Variants in AGBL4 observed in about 807,000 individuals in gnomAD.
AGBL4 encodes AGBL carboxypeptidase 4, also known as cytosolic carboxypeptidase 6.
A neutral mutation model predicts 66.4 loss-of-function variants in AGBL4; 58 were observed. That is an observed-to-expected ratio of 0.87 (90% CI 0.71 to 1.09). The LOEUF is 1.09. Among genes scored for constraint, AGBL4 ranks in the 50% least tolerant of loss-of-function variants. The pLI is 0.00. For synonymous variants in AGBL4, 234 were observed against 222.9 expected, an observed-to-expected ratio of 1.05 and a Z score of -0.44; for missense variants, 579 against 631.0, an observed-to-expected ratio of 0.92 and a Z score of 0.88.
chr1:49,387,523 T>C (rs1300481488), intron 3 of AGBL4, among the ~76,000 whole-genome samples: 1 of 151,880 alleles, frequency 6.6e-6, no homozygotes, highest in Non-Finnish European at 1.5e-5. Context: ...CCATGTATGA[T>C]TCCATTGAGA....
intron 3 of AGBL4, among the ~76,000 whole-genome samples, chr1:49,432,853 G>T (rs1257819560): frequency 6.6e-6 from 1 of 152,142 alleles, no homozygotes; most frequent in Non-Finnish European, 1.5e-5. Flanking sequence ...TTAGGATTGG[G>T]GCTGGTCATT....
chr1:49,458,462 T>C (rs1570764261), intron 3 of AGBL4, among the ~76,000 whole-genome samples: 1 of 151,690 alleles, frequency 6.6e-6, no homozygotes, highest in South Asian at 2.1e-4. Context: ...GATGAGTCTT[T>C]AGGATTTTCT....
intron 3 of AGBL4, among the ~76,000 whole-genome samples, chr1:49,531,593 T>G (rs1398907680): frequency 6.6e-6 from 1 of 152,148 alleles, no homozygotes; most frequent in Non-Finnish European, 1.5e-5. Context: ...ATTGTTCTCA[T>G]TATTTTATAG....
chr1:49,037,019 CTCGAACG>C (rs1485497560), intron 5 of AGBL4, among the ~76,000 whole-genome samples: 8 of 151,720 alleles, frequency 5.3e-5, no homozygotes, highest in African/African-American at 1.9e-4. Flanking sequence ...AGTGAAGTTT[CTCGAACG>C]TTAAAAGAAG....
chr1:49,114,179 A>C (rs1645469933), intron 4 of AGBL4, among the ~76,000 whole-genome samples: 1 of 152,204 alleles, frequency 6.6e-6, no homozygotes, highest in South Asian at 2.1e-4. Flanking sequence ...AGCCACCTTC[A>C]TCAGTCATCT....
At chr1:48,689,131 G>T (rs959428743) in intron 6 of AGBL4, among the ~76,000 whole-genome samples, 1 of 144,852 alleles carries the variant, frequency 6.9e-6, no homozygotes, top group South Asian at 2.2e-4. Context: ...TGAGGCAGGA[G>T]AACTGCTTAA....
At chr1:49,935,635 A>C (rs1021891903) in intron 1 of AGBL4, among the ~76,000 whole-genome samples, 23 of 152,258 alleles carry the variant, frequency 1.5e-4, no homozygotes, top group African/African-American at 5.5e-4. Context: ...CCTCTGAGAC[A>C]AAACTTCCAC....
chr1:48,959,828 G>T (rs1657806968), intron 5 of AGBL4, among the ~76,000 whole-genome samples: 2 of 152,164 alleles, frequency 1.3e-5, no homozygotes, highest in African/African-American at 4.8e-5. Context: ...GTGAGAGGGA[G>T]GTGAAGAATA....
intron 3 of AGBL4, among the ~76,000 whole-genome samples, chr1:49,349,973 T>C (rs1394242559): frequency 6.6e-6 from 1 of 152,148 alleles, no homozygotes; most frequent in East Asian, 1.9e-4. Context: ...GCTGACACAT[T>C]GGTCTCAAGA....
intron 3 of AGBL4, among the ~76,000 whole-genome samples, chr1:49,293,035 C>T (rs1024387624): frequency 6.6e-6 from 1 of 152,224 alleles, no homozygotes; most frequent in Non-Finnish European, 1.5e-5. Flanking sequence ...GACCTGGGAG[C>T]TCCCTGAGCC....
At chr1:49,400,169 T>G (rs538511727) in intron 3 of AGBL4, among the ~76,000 whole-genome samples, 1 of 152,272 alleles carries the variant, frequency 6.6e-6, no homozygotes, top group Non-Finnish European at 1.5e-5. Flanking sequence ...CTTGGCAACT[T>G]TGTCAAAAAT....
At chr1:49,642,877 A>G (rs1036024225) in intron 3 of AGBL4, among the ~76,000 whole-genome samples, 1 of 152,018 alleles carries the variant, frequency 6.6e-6, no homozygotes, top group African/African-American at 2.4e-5. Context: ...AAATACATAT[A>G]TAAATGCAAA....
chr1:48,739,557 GC>G (rs1224726495), intron 6 of AGBL4, among the ~76,000 whole-genome samples: 1 of 152,218 alleles, frequency 6.6e-6, no homozygotes, highest in East Asian at 1.9e-4. Flanking sequence ...TGCTGGAGCT[GC>G]CAGCCTGGGT....
intron 3 of AGBL4, among the ~76,000 whole-genome samples, chr1:49,554,996 G>C (rs955424297): frequency 2.6e-5 from 4 of 152,206 alleles, no homozygotes; most frequent in Non-Finnish European, 4.4e-5. Flanking sequence ...GTGAGCAGCA[G>C]AAAGATTTAC....
intron 5 of AGBL4, among the ~76,000 whole-genome samples, chr1:48,909,733 AC>A (rs1160991849): frequency 3.3e-5 from 5 of 152,232 alleles, no homozygotes; most frequent in African/African-American, 1.2e-4. Flanking sequence ...AAAGAGAAAT[AC>A]GTACGAAACA....
chr1:49,596,173 C>T (rs985604224), intron 3 of AGBL4, among the ~76,000 whole-genome samples: 3 of 152,002 alleles, frequency 2.0e-5, no homozygotes, highest in African/African-American at 4.8e-5. Context: ...CATGGAGGTC[C>T]TTTGTTTGTT....
At chr1:48,690,311 C>T (rs1271746869) in intron 6 of AGBL4, among the ~76,000 whole-genome samples, 1 of 152,164 alleles carries the variant, frequency 6.6e-6, no homozygotes, top group Non-Finnish European at 1.5e-5. Flanking sequence ...TCCCAGAACA[C>T]CCTTTGATTT....
At chr1:49,746,278 T>C (rs1260257074) in intron 2 of AGBL4, among the ~76,000 whole-genome samples, 1 of 152,026 alleles carries the variant, frequency 6.6e-6, no homozygotes, top group South Asian at 2.1e-4. Flanking sequence ...CTGAATTCAT[T>C]ACAGATAAAG....
At chr1:48,926,203 G>A (rs1654546498) in intron 5 of AGBL4, among the ~76,000 whole-genome samples, 1 of 151,986 alleles carries the variant, frequency 6.6e-6, no homozygotes, top group Non-Finnish European at 1.5e-5. Flanking sequence ...ACTGAGATAA[G>A]ACTAAGATAG....
Sources: gnomAD v4.1 joint callset for allele counts (sites outside exome capture counted in the v4.1 genomes callset) on GRCh38, gnomAD v4.1.1 for gene constraint, MANE v1.5 for transcripts, NCBI Gene and HGNC (gene_info 2026-07-23, HGNC 2026-07-21) for gene names.